Variants in POU2F3 observed in about 807,000 individuals in gnomAD.
POU2F3 encodes the protein POU domain, class 2, transcription factor 3.
In POU2F3, 23 loss-of-function variants were observed where a neutral mutation model predicts 59.2. That is an observed-to-expected ratio of 0.39 (90% CI 0.28 to 0.55). The LOEUF is 0.55. POU2F3 is among the 20% of genes least tolerant of loss of function. POU2F3 has a pLI of 0.66. For synonymous variants in POU2F3, 190 were observed against 214.6 expected, an observed-to-expected ratio of 0.89 and a Z score of 1.00; for missense variants, 473 against 544.5, an observed-to-expected ratio of 0.87 and a Z score of 1.31.
intron 3 of POU2F3, among the ~76,000 whole-genome samples, chr11:120,276,315 C>T (rs1940322525): frequency 6.6e-6 from 1 of 152,130 alleles, no homozygotes. Flanking sequence ...GCTCCCAGCC[C>T]AGTGGGGAAG....
chr11:120,287,184 G>T (rs1940813604), intron 3 of POU2F3, among the ~76,000 whole-genome samples: 1 of 152,234 alleles, frequency 6.6e-6, no homozygotes. Context: ...TGATATGGTG[G>T]AAAGAGGGTT....
intron 3 of POU2F3, among the ~76,000 whole-genome samples, chr11:120,271,746 C>T (rs961404216): frequency 6.6e-6 from 1 of 152,192 alleles, no homozygotes; most frequent in Non-Finnish European, 1.5e-5. Flanking sequence ...TATGGTTTCC[C>T]CACACGGTGG....
rs1336441142 is a variant in POU2F3, at chr11:120,309,319, T to G, written c.907-106T>G. The G allele has an allele frequency of 8.1e-6, 10 of 1,227,234 alleles. No individual in the cohort carries two copies. In the Middle Eastern group the frequency reaches 5.9e-4, roughly 72 times the overall value. The allele number at this position is 1,227,234 out of a possible 1,614,324, so 76.0% of individuals were successfully genotyped here. On this transcript the variant is annotated intron_variant, in intron 9 of 12. Transcript: ENST00000543440. ...CAGTATTTCATCCTAGGTCTGACTC[T>G]AAAGCTTTTGATCCATGTATAGTTG...
intron 2 of POU2F3, among the ~76,000 whole-genome samples, chr11:120,262,962 AATTT>A (rs34700321): frequency 2.2e-3 from 270 of 122,740 alleles, no homozygotes; most frequent in African/African-American, 7.0e-3. Flanking sequence ...TTATTTATTT[AATTT>A]ATTTATTTAT....
chr11:120,282,259 G>T (rs1428390872), intron 3 of POU2F3, among the ~76,000 whole-genome samples: 1 of 152,214 alleles, frequency 6.6e-6, no homozygotes, highest in African/African-American at 2.4e-5. Flanking sequence ...GGCAAACACA[G>T]GCATGCCTCA....
intron 3 of POU2F3, among the ~76,000 whole-genome samples, chr11:120,282,893 C>A (rs151331759): frequency 2.0e-5 from 3 of 152,296 alleles, no homozygotes; most frequent in East Asian, 1.9e-4. Context: ...CATCTGAGGG[C>A]TTGGAAGTGG....
intron 3 of POU2F3, among the ~76,000 whole-genome samples, chr11:120,289,931 C>T (rs1417802305): frequency 6.6e-6 from 1 of 152,200 alleles, no homozygotes; most frequent in Non-Finnish European, 1.5e-5. Context: ...AACCTGGGGG[C>T]TTCCTATTCA....
chr11:120,272,609 T>C (rs1940125204), intron 3 of POU2F3, among the ~76,000 whole-genome samples: 1 of 152,260 alleles, frequency 6.6e-6, no homozygotes, highest in Admixed American at 6.5e-5. Flanking sequence ...TGCAGCCAGA[T>C]TCTGGGTGAA....
chr11:120,305,382 G>A lies in POU2F3; in HGVS notation c.627+170G>A, dbSNP rs987180218. The A allele has an allele frequency of 1.7e-5, 16 of 918,718 alleles. No individual in the cohort carries two copies. In the Admixed American group the frequency reaches 3.2e-4, roughly 18 times the overall value. 56.9% of individuals were successfully genotyped at this position (918,718 alleles called of 1,614,324 possible). On this transcript the variant is annotated intron_variant, in intron 7 of 12. Coordinates refer to ENST00000543440, the MANE Select transcript of POU2F3 (RefSeq NM_014352.4). ...CAGTTGCCATTGGTAGGGAAACTGAGGACGTTGCTGGTGGAGGAGAATGAG... is the reference window on the plus strand; with the variant it reads ...CAGTTGCCATTGGTAGGGAAACTGAAGACGTTGCTGGTGGAGGAGAATGAG...
upstream of POU2F3, among the ~76,000 whole-genome samples, chr11:120,236,872 G>T (rs1225575075): frequency 2.0e-5 from 3 of 152,226 alleles, no homozygotes; most frequent in African/African-American, 7.2e-5. Flanking sequence ...GCACATGAGG[G>T]AGAAGCAGGG....
chr11:120,244,918 CAAGA>C (rs1316067962), intron 1 of POU2F3, among the ~76,000 whole-genome samples: 48 of 131,378 alleles, frequency 3.7e-4, no homozygotes, highest in Non-Finnish European at 6.6e-4. Context: ...AGGTTAGGCT[CAAGA>C]AATGCCTCCC....
intron 2 of POU2F3, among the ~76,000 whole-genome samples, chr11:120,258,048 T>C (rs547729280): frequency 6.6e-6 from 1 of 152,302 alleles, no homozygotes; most frequent in Non-Finnish European, 1.5e-5. Context: ...AAGTGTGAGT[T>C]GCTTTACAAA....
chr11:120,241,404 G>A (rs753782262), intron 1 of POU2F3, among the ~76,000 whole-genome samples: 24 of 152,172 alleles, frequency 1.6e-4, no homozygotes, highest in Admixed American at 1.2e-3. Flanking sequence ...GAAAACAAGC[G>A]TCAGTGAGTG....
At chr11:120,309,367 T>C in intron 9 of POU2F3, 58 bp from the exon 10 acceptor site, 1 of 1,510,392 alleles carries the variant, frequency 6.6e-7, no homozygotes, top group South Asian at 1.1e-5. Flanking sequence ...TTGGGACCTC[T>C]GTTCCCTGCC....
intron 3 of POU2F3, among the ~76,000 whole-genome samples, chr11:120,281,607 G>C (rs1042942612): frequency 1.3e-5 from 2 of 151,986 alleles, no homozygotes; most frequent in South Asian, 2.1e-4. Flanking sequence ...AGATAACTTA[G>C]TTCACATCCT....
chr11:120,302,544 T>A, intron 6 of POU2F3, 176 bp downstream of exon 6: 1 of 584,664 alleles, frequency 1.7e-6, no homozygotes, highest in Non-Finnish European at 3.0e-6. Flanking sequence ...GGGGGGACAA[T>A]TTACCAAGTG....
Position 120,304,942 on chromosome 11 carries a change from T to TAAAAAAA in POU2F3, c.445-65_445-59dup, listed in dbSNP as rs11443197. The TAAAAAAA allele has an allele frequency of 1.3e-4, 44 of 336,642 alleles. 2 individuals are homozygous for TAAAAAAA. Among genetic ancestry groups the TAAAAAAA allele is most frequent in the African/African-American group, 4.4e-4 (8 of 18,268 alleles). 20.9% of individuals were successfully genotyped at this position (336,642 alleles called of 1,614,324 possible). ...GTCATCCTCTAAGTGGGCCTATTAG[T>TAAAAAAA]AAAAAAAAAAAAAAAAAAAAAAAAA... On this transcript the variant is annotated intron_variant, in intron 6 of 12. Coordinates refer to ENST00000543440, the MANE Select transcript of POU2F3 (RefSeq NM_014352.4).
intron 3 of POU2F3, among the ~76,000 whole-genome samples, chr11:120,279,619 G>A (rs969447877): frequency 6.6e-6 from 1 of 152,186 alleles, no homozygotes; most frequent in African/African-American, 2.4e-5. Context: ...GTTTGTTTTT[G>A]GAGAGGTGGG....
chr11:120,303,178 C>G (rs558890999), intron 6 of POU2F3: 1 of 152,116 alleles, frequency 6.6e-6, no homozygotes, highest in African/African-American at 2.4e-5. Flanking sequence ...GCTGAGGCCA[C>G]TAAAAGTACC....
Sources: allele counts gnomAD v4.1 joint callset (sites outside exome capture counted in the v4.1 genomes callset), GRCh38; gene constraint gnomAD v4.1.1; transcripts MANE v1.5; gene names NCBI Gene and HGNC (gene_info 2026-07-23, HGNC 2026-07-21).